Variants in FTCD observed in about 807,000 individuals in gnomAD.
The protein encoded by FTCD is formimidoyltransferase-cyclodeaminase.
A neutral mutation model predicts 62.9 loss-of-function variants in FTCD; 76 were observed. The observed-to-expected ratio is 1.21, with a 90% CI of 1.00 to 1.46. The LOEUF is 1.46. Among genes scored for constraint, FTCD ranks in the 40% most tolerant of loss-of-function variants. FTCD has a pLI of 0.00. For missense variants in FTCD, 845 were observed against 751.3 expected (o/e 1.12, Z -1.46); for synonymous variants, 397 against 336.9 (o/e 1.18, Z -1.95).
intron 3 of FTCD, 102 bp downstream of exon 3, chr21:46,152,805 G>A (rs1259084401): frequency 3.9e-5 from 39 of 1,009,550 alleles, no homozygotes; most frequent in Middle Eastern, 2.1e-4. Flanking sequence ...CTCTGCCCTT[G>A]CAAGAGCAGT....
rs181554544 is a variant in FTCD at position 46,138,864 on chromosome 21, G to T, written c.1304+16C>A. On this transcript the variant is annotated intron_variant, in intron 11 of 13. Transcript: ENST00000397746. ...AGACACAGAGGCCCACGGTGCGGCC[G>T]GCCCTCCAGGCTCACCTGTCCTTTT... The T allele has an allele frequency of 9.3e-6, 15 of 1,605,984 alleles. No homozygotes were observed. The highest frequency in any genetic ancestry group is 1.1e-5 in the Non-Finnish European group (13 of 1,172,908).
intron 10 of FTCD, among the ~76,000 whole-genome samples, chr21:46,139,833 C>A (rs4819204): frequency 0.068 from 10,416 of 152,264 alleles, 400 homozygotes; most frequent in African/African-American, 0.11. Context: ...CAGGCGGAGG[C>A]AGGACAGCCA....
downstream of FTCD, chr21:46,136,497 G>A (rs1363600819): frequency 3.7e-6 from 6 of 1,612,404 alleles, no homozygotes; most frequent in Non-Finnish European, 4.2e-6. Flanking sequence ...TGGGGTTTCT[G>A]TCCCATGCAC....
At chr21:46,141,225 A>T (rs2078998262) in intron 10 of FTCD, among the ~76,000 whole-genome samples, 1 of 151,728 alleles carries the variant, frequency 6.6e-6, no homozygotes, top group Non-Finnish European at 1.5e-5. Context: ...GCAGCCTCAA[A>T]CTCCTGGCCT....
intron 10 of FTCD, among the ~76,000 whole-genome samples, chr21:46,144,842 C>T (rs1250629601): frequency 6.7e-6 from 1 of 149,694 alleles, no homozygotes; most frequent in Admixed American, 6.6e-5. Flanking sequence ...TGGCCCCTGC[C>T]CTAGGCTCTG....
rs771547230 is a variant in FTCD, at chr21:46,151,919, G to A, written c.429C>T (p.Ala143=). ...TCTTAGGGAGGGCCTCGTACTCCCCGGCCCGGATGGCCGGCAGGGTCCGGC... is the reference window on the plus strand; with the variant it reads ...TCTTAGGGAGGGCCTCGTACTCCCCAGCCCGGATGGCCGGCAGGGTCCGGC... ...DSRRTLPAIR[A]GEYEALPKKL... The change falls in exon 4 of 14, where the codon GCC becomes GCT. Residue 143 remains alanine, a synonymous_variant. Transcript: ENST00000397746. The A allele has an allele frequency of 6.3e-5, 99 of 1,568,716 alleles. 1 individual carries two copies. The highest frequency in any genetic ancestry group is 1.1e-4 in the Admixed American group (6 of 53,364).
At chr21:46,146,676 C>T (rs2079155486) in intron 7 of FTCD, 1 of 388,658 alleles carries the variant, frequency 2.6e-6, no homozygotes. Flanking sequence ...CCATCGCTGA[C>T]GGGCGGGAAA....
intron 11 of FTCD, 50 bp from the exon 12 acceptor site, chr21:46,138,696 C>T (rs1483357391): frequency 1.5e-5 from 23 of 1,575,686 alleles, no homozygotes; most frequent in Non-Finnish European, 2.0e-5. Context: ...CACAGGCAGG[C>T]AGTGGACACA....
At chr21:46,143,569 A>T (rs543235168) in intron 10 of FTCD, among the ~76,000 whole-genome samples, 7 of 152,236 alleles carry the variant, frequency 4.6e-5, no homozygotes, top group Non-Finnish European at 8.8e-5. Context: ...TTGCTCTGCA[A>T]TCATAACCTA....
rs746449651 is a variant in FTCD, at chr21:46,151,987, G to A, written c.368-7C>T. On this transcript the variant is annotated splice_region_variant and splice_polypyrimidine_tract_variant and intron_variant, in intron 3 of 13. Transcript: ENST00000397746. The stretch of plus-strand genomic sequence containing the variant: ...GCCTCGCCGTACAGGTAAACTGCAG[G>A]AGAGCCCGGCGGTCAGGCCTGGACC... 3 of 1,557,860 alleles carry A rather than the reference G, an allele frequency of 1.9e-6. No individual in the cohort carries two copies. Among genetic ancestry groups the A allele is most frequent in the East Asian group, 2.4e-5 (1 of 41,728 alleles).
intron 10 of FTCD, among the ~76,000 whole-genome samples, chr21:46,141,477 C>T (rs1429187294): frequency 6.6e-6 from 1 of 152,142 alleles, no homozygotes; most frequent in Non-Finnish European, 1.5e-5. Flanking sequence ...AAATTCATGA[C>T]TGTCTTCAAA....
At chr21:46,140,077 G>C (rs1414447026) in intron 10 of FTCD, among the ~76,000 whole-genome samples, 1 of 152,080 alleles carries the variant, frequency 6.6e-6, no homozygotes, top group Non-Finnish European at 1.5e-5. Flanking sequence ...TTATGTATTT[G>C]GTGCAAGGTA....
chr21:46,153,095 C>G, intron 2 of FTCD, 60 bp from the exon 3 acceptor site: 1 of 1,506,078 alleles, frequency 6.6e-7, no homozygotes. Context: ...GGGAGCTCCA[C>G]GGGGTTCTCG....
Position 46,154,176 on chromosome 21 carries a change from G to C in FTCD, c.211C>G (p.Arg71Gly). Residue 71 changes from arginine to glycine, a missense_variant, in exon 2 of 14, where the codon CGA becomes GGA. Arg to Gly is a moderately radical substitution (Grantham distance 125). Coordinates refer to ENST00000397746, the MANE Select transcript of FTCD (RefSeq NM_206965.2). ...GALNAARVAS[R>G]LIDMSRHQGE... ...TGGTGCCTGCTCATGTCGATAAGTC[G>C]GGAAGCTACCCGGGCAGCGTTGAGG... is the stretch of plus-strand genomic sequence containing the variant. 6.2e-7 allele frequency: 1 copy of C among 1,612,840 alleles called. No individual in the cohort carries two copies.
chr21:46,139,840 GC>G (rs1343957810), intron 10 of FTCD, among the ~76,000 whole-genome samples: 1 of 152,206 alleles, frequency 6.6e-6, no homozygotes, highest in Non-Finnish European at 1.5e-5. Flanking sequence ...AGGCAGGACA[GC>G]CATCCTCAAG....
rs1245574042 is a variant in FTCD at position 46,136,780 on chromosome 21, T to A, written c.*207A>T. The A allele has an allele frequency of 6.6e-7, 1 of 1,516,842 alleles. No individual in the cohort carries two copies. Among genetic ancestry groups the A allele is most frequent in the Middle Eastern group, 1.7e-4 (1 of 5,752 alleles). 94.0% of individuals were successfully genotyped at this position (1,516,842 alleles called of 1,614,324 possible). On this transcript the variant is annotated 3_prime_UTR_variant, in exon 14 of 14. Transcript: ENST00000397746. ...AAAACCGCCAACACACAACACAGGT[T>A]TGGTGCCAAAACTTTACTGGAGGTC...
rs1037930962 is a variant in FTCD, at chr21:46,150,322, C to T, written c.774+66G>A. On this transcript the variant is annotated intron_variant, in intron 6 of 13. Transcript: ENST00000397746. ...TGGCCCTGGCTGGAGGATGTGGGGC[C>T]CCCGCCCTGCCCACGGGACAGATCG... is the stretch of plus-strand genomic sequence containing the variant. 5 of 1,610,512 alleles carry T rather than the reference C, an allele frequency of 3.1e-6. No individual in the cohort carries two copies. The African/African-American group carries it at 5.3e-5, about 17-fold the overall frequency.
chr21:46,146,359 C>T (rs1222227399), intron 7 of FTCD, 32 bp from the exon 8 acceptor site: 6 of 1,476,982 alleles, frequency 4.1e-6, no homozygotes, highest in East Asian at 4.8e-5. Context: ...GAAACGGCCT[C>T]GGCGCGTCTC....
At chr21:46,146,400 TC>T in intron 7 of FTCD, 73 bp from the exon 8 acceptor site, 2 of 1,041,854 alleles carry the variant, frequency 1.9e-6, no homozygotes, top group Non-Finnish European at 2.9e-6. Flanking sequence ...AACCCGCGGG[TC>T]CCACCCTTGC....
Sources: allele counts gnomAD v4.1 joint callset (sites outside exome capture counted in the v4.1 genomes callset), GRCh38; gene constraint gnomAD v4.1.1; transcripts MANE v1.5; gene names NCBI Gene and HGNC (gene_info 2026-07-23, HGNC 2026-07-21).